Variants in KCNU1 observed in about 807,000 individuals in gnomAD.
KCNU1 encodes potassium calcium-activated channel subfamily U member 1.
A neutral mutation model predicts 126.8 loss-of-function variants in KCNU1; 93 were observed. The ratio of observed to expected loss-of-function variants is 0.73; its 90% CI spans 0.62 to 0.87. KCNU1 has a LOEUF of 0.87. Ranked by LOEUF, KCNU1 falls within the 40% of genes least tolerant of loss-of-function variation. The pLI is 0.00. For synonymous variants in KCNU1, 523 were observed against 494.2 expected, an observed-to-expected ratio of 1.06 and a Z score of -0.77; for missense variants, 1,330 against 1,367.1, an observed-to-expected ratio of 0.97 and a Z score of 0.43.
At chr8:36,856,047 A>C (rs1805517735) in intron 18 of KCNU1, among the ~76,000 whole-genome samples, 1 of 152,202 alleles carries the variant, frequency 6.6e-6, no homozygotes, top group African/African-American at 2.4e-5. Context: ...CCAATTTATT[A>C]ACCCCTCTAG....
rs969345858 is a variant in KCNU1, at chr8:36,836,293, T to C, written c.1296-3T>C. On this transcript the variant is annotated splice_polypyrimidine_tract_variant and splice_region_variant and intron_variant, in intron 12 of 26. Transcript: ENST00000399881. ...CTAATGAGAGTGTTTGGGGTTTATA[T>C]AGGGTGCTCTCTATCAAGAACTATG... 3.1e-6 allele frequency: 5 copies of C among 1,592,906 alleles called. No individual in the cohort carries two copies. Among genetic ancestry groups the C allele is most frequent in the Admixed American group, 1.7e-5 (1 of 59,946 alleles).
At chr8:36,800,713 A>G (rs1803271884) in intron 2 of KCNU1, among the ~76,000 whole-genome samples, 1 of 152,218 alleles carries the variant, frequency 6.6e-6, no homozygotes, top group Non-Finnish European at 1.5e-5. Flanking sequence ...TCTCAGAATT[A>G]TCTTTCATTC....
intron 19 of KCNU1, among the ~76,000 whole-genome samples, chr8:36,870,813 C>G (rs1013738579): frequency 5.9e-5 from 9 of 152,136 alleles, no homozygotes; most frequent in Non-Finnish European, 1.0e-4. Flanking sequence ...CTGAGTGATG[C>G]CTTTACTGTA....
chr8:36,917,820 A>G (rs1368549346), intron 22 of KCNU1, among the ~76,000 whole-genome samples: 2 of 152,148 alleles, frequency 1.3e-5, no homozygotes, highest in Non-Finnish European at 2.9e-5. Context: ...GCAGTGCCTT[A>G]TCTCCGAAGA....
intron 23 of KCNU1, among the ~76,000 whole-genome samples, chr8:36,919,519 G>C (rs568695659): frequency 6.6e-5 from 10 of 152,148 alleles, no homozygotes; most frequent in African/African-American, 2.4e-4. Flanking sequence ...GGCACGAGGA[G>C]CTGTGGGAAC....
chr8:36,846,350 A>G (rs1386133048), intron 18 of KCNU1, among the ~76,000 whole-genome samples: 1 of 152,222 alleles, frequency 6.6e-6, no homozygotes, highest in Non-Finnish European at 1.5e-5. Flanking sequence ...GATAGCAAGA[A>G]GTTTAAAGTT....
chr8:36,875,154 G>A (rs897812536), intron 19 of KCNU1, among the ~76,000 whole-genome samples: 2 of 151,980 alleles, frequency 1.3e-5, no homozygotes, highest in Non-Finnish European at 2.9e-5. Flanking sequence ...CTTCTAAAAT[G>A]TTCTGTTTAG....
chr8:36,848,245 G>A (rs1157229215), intron 18 of KCNU1, among the ~76,000 whole-genome samples: 2 of 152,114 alleles, frequency 1.3e-5, no homozygotes, highest in Non-Finnish European at 2.9e-5. Context: ...TTCTACAGAT[G>A]TCTCTTCCGT....
chr8:36,807,350 C>T (rs1353939641), intron 5 of KCNU1, 25 bp from the exon 6 acceptor site: 3 of 1,591,956 alleles, frequency 1.9e-6, no homozygotes, highest in Admixed American at 1.7e-5. Flanking sequence ...ATTTTGGCAG[C>T]TTTCTCCTTT....
chr8:36,935,534 G>T lies in KCNU1; in HGVS notation c.3064G>T (p.Ala1022Ser). The T allele has an allele frequency of 6.2e-7, 1 of 1,602,316 alleles. No individual in the cohort carries two copies. The highest frequency in any genetic ancestry group is 8.5e-7 in the Non-Finnish European group (1 of 1,173,022). The change falls in exon 27 of 27, where the codon GCC becomes TCC. Residue 1022 changes from alanine (A) to serine (S), a missense_variant. Physicochemically the swap from Ala to Ser is moderately conservative, Grantham distance 99 (BLOSUM62 1). Transcript: ENST00000399881. ...ENKRFVITRP[A>S]NEFKLLPSDL... ...TTACAGGTTTGTGATCACCCGGCCA[G>T]CCAATGAGTTCAAGCTGCTGCCTTC...
chr8:36,915,520 C>A (rs1808063015), intron 22 of KCNU1, among the ~76,000 whole-genome samples: 1 of 152,238 alleles, frequency 6.6e-6, no homozygotes, highest in African/African-American at 2.4e-5. Context: ...AGCTCTTTTA[C>A]ACATATTCAT....
rs75909398 is a variant in KCNU1 at position 36,928,942 on chromosome 8, T to C, written c.2737-2009T>C. The C allele has an allele frequency of 8.6e-3, 5,882 of 685,096 alleles. 35 individuals carry two copies. The highest frequency in any genetic ancestry group is 0.012 in the Non-Finnish European group (4,531 of 377,822). The allele number at this position is 685,096 out of a possible 1,614,324, so 42.4% of individuals were successfully genotyped here. A position where few individuals can be genotyped will look rare whatever the true frequency, so the allele number is the denominator to read the frequency against. Reference sequence around the variant, plus strand: ...TCCCAGAAATCTACACTCATTAATATCACTTCAGATGATCCAGATACATGA... The same window carrying C: ...TCCCAGAAATCTACACTCATTAATACCACTTCAGATGATCCAGATACATGA... On this transcript the variant is annotated intron_variant, in intron 24 of 26. Transcript: ENST00000399881.
chr8:36,807,864 G>A (rs1258517122), intron 6 of KCNU1, among the ~76,000 whole-genome samples: 1 of 151,678 alleles, frequency 6.6e-6, no homozygotes, highest in Non-Finnish European at 1.5e-5. Context: ...ACAATTCCTC[G>A]AAGCATACAT....
intron 10 of KCNU1, among the ~76,000 whole-genome samples, chr8:36,827,054 GC>G (rs1201469946): frequency 5.3e-5 from 8 of 152,052 alleles, no homozygotes; most frequent in Non-Finnish European, 8.8e-5. Flanking sequence ...TTGTGTGTGT[GC>G]CTATTGTCTT....
At chr8:36,859,392 A>T (rs1302542483) in intron 18 of KCNU1, among the ~76,000 whole-genome samples, 1 of 152,190 alleles carries the variant, frequency 6.6e-6, no homozygotes, top group African/African-American at 2.4e-5. Context: ...TCAAACAGTT[A>T]TCTCTTTAAT....
At chr8:36,893,368 T>G (rs1245162541) in intron 19 of KCNU1, among the ~76,000 whole-genome samples, 1 of 151,864 alleles carries the variant, frequency 6.6e-6, no homozygotes, top group Admixed American at 6.6e-5. Flanking sequence ...ACTCAGATAT[T>G]TGCAATTTAA....
chr8:36,887,141 A>T (rs1198999998), intron 19 of KCNU1, among the ~76,000 whole-genome samples: 1 of 152,090 alleles, frequency 6.6e-6, no homozygotes, highest in East Asian at 1.9e-4. Flanking sequence ...ATAATTACTT[A>T]TATTGCCTTT....
chr8:36,849,368 C>T (rs1211559166), intron 18 of KCNU1, among the ~76,000 whole-genome samples: 1 of 152,154 alleles, frequency 6.6e-6, no homozygotes, highest in Non-Finnish European at 1.5e-5. Context: ...GTGGGCCGAT[C>T]ACTTGAGGTC....
At chr8:36,809,511 C>G (rs7007606) in intron 7 of KCNU1, among the ~76,000 whole-genome samples, 40,157 of 152,052 alleles carry the variant, frequency 0.26, 6,468 homozygotes, top group African/African-American at 0.42. Context: ...ATTTAAAAAT[C>G]CATTAAAAAG....
Sources: allele counts gnomAD v4.1 joint callset (sites outside exome capture counted in the v4.1 genomes callset), GRCh38; gene constraint gnomAD v4.1.1; transcripts MANE v1.5; gene names NCBI Gene and HGNC (gene_info 2026-07-23, HGNC 2026-07-21).